SPOCK1: variants seen among roughly 807,000 people sequenced by gnomAD.
SPOCK1 encodes testican-1.
SPOCK1 carries 23 observed loss-of-function variants against 55.3 expected under a neutral mutation model. That is an observed-to-expected ratio of 0.42 (90% CI 0.30 to 0.59). The LOEUF is 0.59. Among genes scored for constraint, SPOCK1 ranks in the 20% least tolerant of loss-of-function variants. The probability of loss-of-function intolerance (pLI) is 0.22; values close to 1 mark genes in which losing one functional copy is unlikely to be tolerated. For missense variants in SPOCK1, 499 were observed against 552.5 expected (o/e 0.90, Z 0.97); for synonymous variants, 226 against 221.0 (o/e 1.02, Z -0.20).
At chr5:137,254,109 T>C (rs530846318) in intron 3 of SPOCK1, among the ~76,000 whole-genome samples, 2 of 152,314 alleles carry the variant, frequency 1.3e-5, no homozygotes, top group South Asian at 4.1e-4. Context: ...AGGATTGACC[T>C]CGCTAAAAGC....
intron 2 of SPOCK1, among the ~76,000 whole-genome samples, chr5:137,406,306 A>C (rs1227602131): frequency 1.3e-5 from 2 of 152,176 alleles, no homozygotes; most frequent in Non-Finnish European, 2.9e-5. Flanking sequence ...GGAAGAGATT[A>C]ATTCTAGGAC....
At chr5:137,256,593 C>G (rs1322247634) in intron 3 of SPOCK1, among the ~76,000 whole-genome samples, 1 of 152,130 alleles carries the variant, frequency 6.6e-6, no homozygotes, top group Non-Finnish European at 1.5e-5. Context: ...CCCCTACGCC[C>G]CACCTCTCAA....
At chr5:137,408,425 C>G (rs764130636) in intron 2 of SPOCK1, among the ~76,000 whole-genome samples, 9 of 152,218 alleles carry the variant, frequency 5.9e-5, no homozygotes, top group African/African-American at 2.2e-4. Flanking sequence ...AGAAACACCA[C>G]AGCCCTTTGC....
chr5:137,338,108 T>A (rs976205699), intron 2 of SPOCK1, among the ~76,000 whole-genome samples: 3 of 152,312 alleles, frequency 2.0e-5, no homozygotes, highest in African/African-American at 7.2e-5. Context: ...CATGTTGGTG[T>A]GCTGCACCCA....
At chr5:137,187,511 A>G (rs192730269) in intron 3 of SPOCK1, among the ~76,000 whole-genome samples, 81 of 152,174 alleles carry the variant, frequency 5.3e-4, no homozygotes, top group African/African-American at 1.7e-3. Context: ...TTTCTCATCT[A>G]TAGCAAATAC....
At chr5:137,012,766 C>T (rs999272798) in intron 6 of SPOCK1, among the ~76,000 whole-genome samples, 1 of 151,932 alleles carries the variant, frequency 6.6e-6, no homozygotes, top group Non-Finnish European at 1.5e-5. Context: ...ATACTTAAGT[C>T]GAAAAAGCAC....
intron 5 of SPOCK1, among the ~76,000 whole-genome samples, chr5:137,108,559 A>C (rs906396603): frequency 6.6e-6 from 1 of 152,188 alleles, no homozygotes; most frequent in Non-Finnish European, 1.5e-5. Context: ...CATGGGCGTA[A>C]AACTCCCACT....
rs1750886330 is a variant in SPOCK1 at position 136,988,539 on chromosome 5, C to T, written c.811G>A (p.Ala271Thr). Residue 271 changes from alanine to threonine, a missense_variant, in exon 8 of 11, where the codon GCC (alanine) becomes ACC (threonine). By Grantham distance (58) the Ala-to-Thr change is moderately conservative. Coordinates refer to ENST00000394945, the MANE Select transcript of SPOCK1 (RefSeq NM_004598.4). ...DLLLDPSEIN[A>T]IYLDKYEPCI... ...GGCTCGTACTTATCCAGGTAGATGG[C>T]ATTGATCTCTGAAGGGTCAAGCAGG... The T allele has an allele frequency of 6.2e-7, 1 of 1,614,068 alleles. No individual in the cohort carries two copies. Among genetic ancestry groups the T allele is most frequent in the African/African-American group, 1.3e-5 (1 of 75,016 alleles).
chr5:137,109,170 A>T (rs929274730), intron 5 of SPOCK1, among the ~76,000 whole-genome samples: 1 of 152,216 alleles, frequency 6.6e-6, no homozygotes, highest in African/African-American at 2.4e-5. Context: ...GCTCATCTCC[A>T]GTCTCAGGCT....
chr5:137,138,936 G>T (rs916762175), intron 4 of SPOCK1, among the ~76,000 whole-genome samples: 2 of 152,074 alleles, frequency 1.3e-5, no homozygotes, highest in Admixed American at 1.3e-4. Flanking sequence ...GACAATCCTG[G>T]GTTTGAATCA....
At chr5:137,050,728 T>C (rs1239216649) in intron 6 of SPOCK1, among the ~76,000 whole-genome samples, 1 of 152,218 alleles carries the variant, frequency 6.6e-6, no homozygotes, top group Non-Finnish European at 1.5e-5. Context: ...GATGATATCA[T>C]TTTCTAAAGA....
At chr5:137,398,858 C>T (rs1360612122) in intron 2 of SPOCK1, among the ~76,000 whole-genome samples, 1 of 152,154 alleles carries the variant, frequency 6.6e-6, no homozygotes, top group African/African-American at 2.4e-5. Context: ...CTACCATAAT[C>T]TGCAGCCCAC....
chr5:137,144,752 G>T (rs916467024), intron 3 of SPOCK1, among the ~76,000 whole-genome samples: 3 of 152,020 alleles, frequency 2.0e-5, no homozygotes, highest in African/African-American at 7.2e-5. Flanking sequence ...TAAGAGATCC[G>T]AATAATAAGT....
At chr5:137,486,035 G>A (rs1263163828) in intron 2 of SPOCK1, among the ~76,000 whole-genome samples, 1 of 152,192 alleles carries the variant, frequency 6.6e-6, no homozygotes, top group Non-Finnish European at 1.5e-5. Context: ...GGGCTGCTAA[G>A]GGCAGGGTAT....
intron 6 of SPOCK1, among the ~76,000 whole-genome samples, chr5:137,064,788 A>G (rs1580732192): frequency 6.6e-6 from 1 of 152,348 alleles, no homozygotes; most frequent in East Asian, 1.9e-4. Flanking sequence ...TCAAAGGAAA[A>G]GGTCAGCCTT....
rs546516470 is a variant in SPOCK1, at chr5:137,274,895, A to T, written c.187-7840T>A. On this transcript the variant is annotated intron_variant, in intron 2 of 10. Transcript: ENST00000394945. The stretch of plus-strand genomic sequence containing the variant: ...CTCTATTAAATAGACCCCATCTATT[A>T]AAAAAGACAATACTTACACCAGTGG... Among the ~76,000 whole-genome samples, 14 of 152,360 alleles carry T rather than the reference A, an allele frequency of 9.2e-5. No homozygotes were observed. In the South Asian group the frequency reaches 2.9e-3, roughly 32 times the overall value.
chr5:137,063,323 C>G (rs932766765), intron 6 of SPOCK1, among the ~76,000 whole-genome samples: 1 of 151,030 alleles, frequency 6.6e-6, no homozygotes, highest in African/African-American at 2.4e-5. Context: ...GTTCCACCAT[C>G]TCTTCAGGGG....
At position 137,140,609 on chromosome 5, in the gene SPOCK1, C is replaced by CA; in HGVS notation, c.317dup (p.Cys107ValfsTer71). On this transcript the variant is annotated frameshift_variant, in exon 4 of 11. Coordinates refer to ENST00000394945, the MANE Select transcript of SPOCK1 (RefSeq NM_004598.4). LOFTEE classifies it high-confidence loss of function. Reference sequence around the variant, plus strand: ...GGAGCAGGTGCTTGCGGCTGACACACAGGGCGGTCTGGTAGTCCTGGGTCA... The same window carrying CA: ...GGAGCAGGTGCTTGCGGCTGACACACAAGGGCGGTCTGGTAGTCCTGGGTCA... 6.2e-7 allele frequency: 1 copy of CA among 1,613,842 alleles called. No individual in the cohort carries two copies. Among genetic ancestry groups the CA allele is most frequent in the Non-Finnish European group, 8.5e-7 (1 of 1,179,944 alleles).
At chr5:136,985,028 T>C in intron 9 of SPOCK1, 112 bp downstream of exon 9, 2 of 1,113,108 alleles carry the variant, frequency 1.8e-6, no homozygotes, top group Non-Finnish European at 2.7e-6. Flanking sequence ...AACAAGGCAT[T>C]TCTTTCATGA....
Sources: gnomAD v4.1 joint callset for allele counts (sites outside exome capture counted in the v4.1 genomes callset) on GRCh38, gnomAD v4.1.1 for gene constraint, MANE v1.5 for transcripts, NCBI Gene and HGNC (gene_info 2026-07-23, HGNC 2026-07-21) for gene names.